Variants in VPS41 observed in about 807,000 individuals in gnomAD.
VPS41 encodes the protein VPS41 subunit of HOPS complex.
In VPS41, 85 loss-of-function variants were observed where a neutral mutation model predicts 130.9. The observed-to-expected ratio is 0.65, with a 90% CI of 0.55 to 0.78. The LOEUF (loss-of-function observed/expected upper bound fraction) is 0.78. Ranked by LOEUF, VPS41 falls within the 30% of genes least tolerant of loss-of-function variation. The pLI, the probability that VPS41 is intolerant of heterozygous loss-of-function variation, is 0.00. For synonymous variants in VPS41, 335 were observed against 332.9 expected (o/e 1.01, Z -0.07); for missense variants, 874 against 1,018.7 (o/e 0.86, Z 1.93).
chr7:38,785,601 C>T (rs1784424457), intron 10 of VPS41, among the ~76,000 whole-genome samples: 1 of 152,180 alleles, frequency 6.6e-6, no homozygotes, highest in Non-Finnish European at 1.5e-5. Flanking sequence ...CAGCACATTG[C>T]TTAGACAAAA....
At chr7:38,780,319 C>T (rs958282171) in intron 10 of VPS41, among the ~76,000 whole-genome samples, 3 of 151,420 alleles carry the variant, frequency 2.0e-5, no homozygotes, top group African/African-American at 4.9e-5. Flanking sequence ...GCAGGGAGTG[C>T]GCTATGTTCA....
intron 7 of VPS41, among the ~76,000 whole-genome samples, chr7:38,802,892 T>C (rs1784759703): frequency 6.6e-6 from 1 of 152,186 alleles, no homozygotes; most frequent in Admixed American, 6.5e-5. Context: ...TGAATTGTCA[T>C]TATCACAATA....
intron 11 of VPS41, chr7:38,775,344 A>G (rs1784238068): frequency 6.6e-6 from 1 of 152,040 alleles, no homozygotes; most frequent in Non-Finnish European, 1.5e-5. Flanking sequence ...GAAAAAGTCC[A>G]TTTTCTACGT....
chr7:38,820,130 G>A (rs372376364), intron 6 of VPS41, among the ~76,000 whole-genome samples: 1 of 152,146 alleles, frequency 6.6e-6, no homozygotes, highest in South Asian at 2.1e-4. Context: ...CCTCATCCAA[G>A]CCATCACTAA....
At chr7:38,830,638 T>C (rs554579073) in intron 4 of VPS41, among the ~76,000 whole-genome samples, 3 of 152,232 alleles carry the variant, frequency 2.0e-5, no homozygotes, top group Non-Finnish European at 2.9e-5. Flanking sequence ...TCAGATCAAG[T>C]AGGCAAAGGT....
At chr7:38,897,263 T>A (rs1373460732) in intron 2 of VPS41, among the ~76,000 whole-genome samples, 2 of 152,006 alleles carry the variant, frequency 1.3e-5, no homozygotes, top group East Asian at 1.9e-4. Context: ...ATAAATTTTT[T>A]AAAAACTCCT....
intron 2 of VPS41, among the ~76,000 whole-genome samples, chr7:38,886,066 T>A (rs1171912141): frequency 1.3e-5 from 2 of 152,038 alleles, no homozygotes; most frequent in Non-Finnish European, 2.9e-5. Flanking sequence ...AGCTCCGGTC[T>A]ACAGCTCCCA....
chr7:38,895,330 T>TA (rs1786959545), intron 2 of VPS41, among the ~76,000 whole-genome samples: 1 of 151,700 alleles, frequency 6.6e-6, no homozygotes, highest in African/African-American at 2.4e-5. Context: ...TAAAAAAAAA[T>TA]AAAAATAAAA....
intron 4 of VPS41, among the ~76,000 whole-genome samples, chr7:38,844,437 A>C (rs1307433136): frequency 6.6e-6 from 1 of 152,238 alleles, no homozygotes; most frequent in Non-Finnish European, 1.5e-5. Context: ...AACTTTAGCC[A>C]CTTAAACTTC....
At chr7:38,741,337 G>A in intron 25 of VPS41, 3 of 357,478 alleles carry the variant, frequency 8.4e-6, no homozygotes, top group South Asian at 4.7e-5. Context: ...CCAGCATCCT[G>A]AAAAATAGTA....
intron 6 of VPS41, among the ~76,000 whole-genome samples, chr7:38,819,443 T>G (rs182883282): frequency 1.5e-3 from 230 of 152,344 alleles, no homozygotes; most frequent in Middle Eastern, 3.4e-3. Flanking sequence ...CTCTACCAGA[T>G]GATCTCTCTT....
chr7:38,727,979 A>C (rs1169854037), intron 27 of VPS41, among the ~76,000 whole-genome samples: 2 of 152,214 alleles, frequency 1.3e-5, no homozygotes, highest in Non-Finnish European at 2.9e-5. Flanking sequence ...TTCCAATTAG[A>C]TGGCAGGGAT....
At chr7:38,758,275 TG>T (rs1267727788) in intron 18 of VPS41, 78 bp downstream of exon 18, 2 of 1,346,308 alleles carry the variant, frequency 1.5e-6, no homozygotes, top group African/African-American at 2.9e-5. Context: ...CTTCTCCACT[TG>T]GAGTTTGCCA....
At chr7:38,751,245 T>C (rs1367688277) in intron 22 of VPS41, among the ~76,000 whole-genome samples, 4 of 152,232 alleles carry the variant, frequency 2.6e-5, no homozygotes, top group African/African-American at 9.6e-5. Flanking sequence ...TGTGTTATCA[T>C]CCAGCTTCTT....
At chr7:38,773,538 A>G (rs1196987653) in intron 12 of VPS41, among the ~76,000 whole-genome samples, 1 of 152,194 alleles carries the variant, frequency 6.6e-6, no homozygotes, top group African/African-American at 2.4e-5. Context: ...ATTTTCATTA[A>G]TATATTTTAC....
Position 38,848,306 on chromosome 7 carries a change from C to T in VPS41, c.246+14239G>A, listed in dbSNP as rs895116547. Among the ~76,000 whole-genome samples the T allele has an allele frequency of 1.3e-4, 19 of 150,842 alleles. No individual in the cohort carries two copies. In the East Asian group the frequency reaches 3.7e-3, roughly 29 times the overall value. On this transcript the variant is annotated intron_variant, in intron 4 of 28. Transcript: ENST00000310301. ...TGTGTAATGTGATAAAAGATACCCA[C>T]TCCTCCCAAATAAACACAGGAGCTG...
chr7:38,743,336 A>T, intron 24 of VPS41, 66 bp downstream of exon 24: 1 of 1,573,964 alleles, frequency 6.4e-7, no homozygotes, highest in Non-Finnish European at 8.7e-7. Flanking sequence ...ATAGTTTTTA[A>T]TCTAGACATA....
chr7:38,815,375 G>A (rs1242378381), intron 7 of VPS41, among the ~76,000 whole-genome samples: 1 of 152,116 alleles, frequency 6.6e-6, no homozygotes, highest in Non-Finnish European at 1.5e-5. Flanking sequence ...AGTGAGCCGA[G>A]ATCATGCCAC....
At chr7:38,734,260 T>A (rs1261449850) in intron 25 of VPS41, among the ~76,000 whole-genome samples, 1 of 152,236 alleles carries the variant, frequency 6.6e-6, no homozygotes, top group East Asian at 1.9e-4. Flanking sequence ...TTTTCCAAGA[T>A]TATTCAAATC....
Sources: allele counts gnomAD v4.1 joint callset (sites outside exome capture counted in the v4.1 genomes callset), GRCh38; gene constraint gnomAD v4.1.1; transcripts MANE v1.5; gene names NCBI Gene and HGNC (gene_info 2026-07-23, HGNC 2026-07-21).